Variants in MYCBP2 observed in about 807,000 individuals in gnomAD.
MYCBP2 encodes the protein MYC binding protein 2.
In MYCBP2, 120 loss-of-function variants were observed where a neutral mutation model predicts 525.3. That is an observed-to-expected ratio of 0.23 (90% CI 0.20 to 0.27). The LOEUF (loss-of-function observed/expected upper bound fraction) is 0.27. Ranked by LOEUF, MYCBP2 falls within the 10% of genes least tolerant of loss-of-function variation. MYCBP2 has a pLI of 1.00. For synonymous variants in MYCBP2, 1,894 were observed against 1,955.8 expected, an observed-to-expected ratio of 0.97 and a Z score of 0.83; for missense variants, 4,149 against 5,657.1, an observed-to-expected ratio of 0.73 and a Z score of 8.55.
chr13:77,166,286 G>A lies in MYCBP2; in HGVS notation c.6340+43C>T, dbSNP rs951192701. ...ACACCCTTACTAAATATACATAAAT[G>A]CACTTATTTTACCACATAAAACAGA... On this transcript the variant is annotated intron_variant, in intron 41 of 82. Transcript: ENST00000544440. The A allele has an allele frequency of 5.3e-6, 7 of 1,333,202 alleles. No individual in the cohort carries two copies. The African/African-American group carries it at 1.0e-4, about 20-fold the overall frequency. The allele number at this position is 1,333,202 out of a possible 1,614,324, so 82.6% of individuals were successfully genotyped here.
At chr13:77,144,627 G>A (rs1174487557) in intron 48 of MYCBP2, 67 bp from the exon 49 acceptor site, 1 of 1,029,728 alleles carries the variant, frequency 9.7e-7, no homozygotes, top group East Asian at 2.4e-5. Context: ...CATTACGATA[G>A]TTCAGCAAAC....
At chr13:77,214,847 G>A (rs1407353458) in intron 21 of MYCBP2, among the ~76,000 whole-genome samples, 1 of 152,086 alleles carries the variant, frequency 6.6e-6, no homozygotes, top group Non-Finnish European at 1.5e-5. Flanking sequence ...TATAGTCAAA[G>A]TACTTATTAT....
At chr13:77,287,477 G>A (rs899697367) in intron 3 of MYCBP2, among the ~76,000 whole-genome samples, 15 of 152,160 alleles carry the variant, frequency 9.9e-5, no homozygotes, top group Non-Finnish European at 1.5e-5. Flanking sequence ...GAGAGCCACT[G>A]CGCCCGGCCT....
chr13:77,257,841 A>G lies in MYCBP2; in HGVS notation c.2018-12T>C. Reference sequence around the variant, plus strand: ...ATCAGTTACCAAACCTATAGGAAAGAAACAAATTTAGTAAAAACAACAAAA... The same window carrying G: ...ATCAGTTACCAAACCTATAGGAAAGGAACAAATTTAGTAAAAACAACAAAA... On this transcript the variant is annotated splice_polypyrimidine_tract_variant and intron_variant, in intron 13 of 82. Coordinates refer to ENST00000544440, the MANE Select transcript of MYCBP2 (RefSeq NM_015057.5). 6.3e-7 allele frequency: 1 copy of G among 1,593,484 alleles called. No homozygotes were observed. The highest frequency in any genetic ancestry group is 8.5e-7 in the Non-Finnish European group (1 of 1,174,102).
intron 23 of MYCBP2, among the ~76,000 whole-genome samples, chr13:77,208,935 A>G (rs1401391008): frequency 1.3e-5 from 2 of 152,212 alleles, no homozygotes; most frequent in Non-Finnish European, 2.9e-5. Context: ...ATATAAAATG[A>G]AGCAGATGCA....
chr13:77,135,095 ATGTCAATACAAAAT>A (rs1258844239), intron 52 of MYCBP2, among the ~76,000 whole-genome samples: 2 of 152,346 alleles, frequency 1.3e-5, no homozygotes, highest in Admixed American at 1.3e-4. Flanking sequence ...GCACACATTG[ATGTCAATACAAAAT>A]TGTTTTAACT....
intron 55 of MYCBP2, among the ~76,000 whole-genome samples, chr13:77,106,623 T>C (rs1417091130): frequency 6.6e-6 from 1 of 152,176 alleles, no homozygotes; most frequent in Non-Finnish European, 1.5e-5. Context: ...GTGCTTCTCA[T>C]GTTGTTTAGT....
At chr13:77,243,030 T>C (rs538375691) in intron 17 of MYCBP2, 29 bp downstream of exon 17, 9 of 1,592,048 alleles carry the variant, frequency 5.7e-6, no homozygotes, top group Middle Eastern at 3.3e-4. Flanking sequence ...TGGATTTTCA[T>C]GTACTTTTTC....
intron 1 of MYCBP2, among the ~76,000 whole-genome samples, chr13:77,315,245 A>G (rs1329957236): frequency 6.6e-6 from 1 of 152,202 alleles, no homozygotes; most frequent in Non-Finnish European, 1.5e-5. Context: ...TTACGCAAAC[A>G]TTTTAAAAAT....
chr13:77,142,614 G>A (rs1368832257), intron 49 of MYCBP2, among the ~76,000 whole-genome samples: 1 of 152,102 alleles, frequency 6.6e-6, no homozygotes, highest in Non-Finnish European at 1.5e-5. Flanking sequence ...CTTGCAAGGG[G>A]TCCCACGATA....
At chr13:77,319,705 TC>T (rs2062403384) in intron 1 of MYCBP2, among the ~76,000 whole-genome samples, 1 of 152,158 alleles carries the variant, frequency 6.6e-6, no homozygotes, top group South Asian at 2.1e-4. Context: ...GGAATAGCAT[TC>T]CAACTCACCA....
At chr13:77,097,266 T>C (rs1324379487) in intron 56 of MYCBP2, 104 bp downstream of exon 56, 6 of 1,446,750 alleles carry the variant, frequency 4.1e-6, no homozygotes, top group Non-Finnish European at 4.6e-6. Flanking sequence ...TAAGATACTA[T>C]AAATTCCCTA....
chr13:77,202,574 G>A (rs1236992643), intron 26 of MYCBP2, among the ~76,000 whole-genome samples: 1 of 151,476 alleles, frequency 6.6e-6, no homozygotes, highest in Non-Finnish European at 1.5e-5. Context: ...TACCAAAGCC[G>A]GGCAGAGACA....
intron 54 of MYCBP2, among the ~76,000 whole-genome samples, chr13:77,124,594 A>T (rs2051327532): frequency 6.6e-6 from 1 of 152,216 alleles, no homozygotes; most frequent in African/African-American, 2.4e-5. Flanking sequence ...ATGGAAAGAT[A>T]AAAACCATGT....
At chr13:77,286,569 C>A (rs561548475) in intron 3 of MYCBP2, among the ~76,000 whole-genome samples, 2 of 149,308 alleles carry the variant, frequency 1.3e-5, no homozygotes, top group East Asian at 4.0e-4. Context: ...CCGGCTAACA[C>A]GGTGAAACCC....
At chr13:77,178,307 A>G (rs946986142) in intron 34 of MYCBP2, among the ~76,000 whole-genome samples, 4 of 152,246 alleles carry the variant, frequency 2.6e-5, no homozygotes, top group Non-Finnish European at 5.9e-5. Flanking sequence ...ATAGATCAAC[A>G]GTTTTCAAAC....
chr13:77,098,431 G>A lies in MYCBP2; in HGVS notation c.8723C>T (p.Ser2908Phe), dbSNP rs1258559938. The A allele has an allele frequency of 6.2e-7, 1 of 1,613,530 alleles. No individual in the cohort carries two copies. The highest frequency in any genetic ancestry group is 8.5e-7 in the Non-Finnish European group (1 of 1,179,790). The change falls in exon 56 of 83, where the codon TCT (serine) becomes TTT (phenylalanine). Residue 2908 changes from serine to phenylalanine, a missense_variant. By Grantham distance (155) the Ser-to-Phe change is radical. This residue lies in a region of MYCBP2 where 653 missense variants were observed against 744.7 expected (regional missense o/e 0.88). Transcript: ENST00000544440. Reference sequence around the variant, plus strand: ...ATTTTCAGATCCAGGGGAATCTGTAGAATCCTTTGGTACTGATTTTGGTTT... The same window carrying A: ...ATTTTCAGATCCAGGGGAATCTGTAAAATCCTTTGGTACTGATTTTGGTTT... Reference protein sequence around the residue: ...SPKPKSVPKDSTDSPGSENRA... With the variant: ...SPKPKSVPKDFTDSPGSENRA...
At chr13:77,179,025 C>T (rs969748462) in intron 34 of MYCBP2, among the ~76,000 whole-genome samples, 10 of 152,202 alleles carry the variant, frequency 6.6e-5, no homozygotes, top group South Asian at 4.1e-4. Flanking sequence ...TTAGAAAGTG[C>T]TTCCCAGGAT....
At chr13:77,209,325 T>C (rs149304679) in intron 23 of MYCBP2, among the ~76,000 whole-genome samples, 3 of 152,374 alleles carry the variant, frequency 2.0e-5, no homozygotes, top group Admixed American at 6.5e-5. Flanking sequence ...TATACTGTTA[T>C]TGCTAACTTA....
Sources: gnomAD v4.1 joint callset for allele counts (sites outside exome capture counted in the v4.1 genomes callset) on GRCh38, gnomAD v4.1.1 for gene constraint, gnomAD v4.1.1 regional missense constraint, MANE v1.5 for transcripts, NCBI Gene and HGNC (gene_info 2026-07-23, HGNC 2026-07-21) for gene names.